TRPM5: variants seen among roughly 807,000 people sequenced by gnomAD.
TRPM5 encodes the protein MLSN1 and TRP-related.
A neutral mutation model predicts 124.9 loss-of-function variants in TRPM5; 121 were observed. That is an observed-to-expected ratio of 0.97 (90% CI 0.84 to 1.13). The LOEUF is 1.13. TRPM5 is among the 50% of genes most tolerant of loss of function. TRPM5 has a pLI of 0.00. For synonymous variants in TRPM5, 781 were observed against 700.5 expected, an observed-to-expected ratio of 1.11 and a Z score of -1.81; for missense variants, 1,643 against 1,589.1, an observed-to-expected ratio of 1.03 and a Z score of -0.58.
At chr11:2,434,023 CTG>C in the TRPM5 span, among the ~76,000 whole-genome samples, 1 of 150,758 alleles carries the variant, frequency 6.6e-6, no homozygotes, top group African/African-American at 2.4e-5. Context: ...TATGTAGACA[CTG>C]TGTGTGGCTG....
chr11:2,430,746 T>A, the TRPM5 span, among the ~76,000 whole-genome samples: 6,926 of 103,338 alleles, frequency 0.067, 256 homozygotes, highest in Middle Eastern at 0.16. Flanking sequence ...GGTGATGGTG[T>A]TGGTGGTGGT....
At chr11:2,442,593 C>A in the TRPM5 span, among the ~76,000 whole-genome samples, 1 of 152,184 alleles carries the variant, frequency 6.6e-6, no homozygotes, top group African/African-American at 2.4e-5. The surrounding 1 kb of genome is among the most constrained non-coding windows in gnomAD (Gnocchi z 5.9). Context: ...ATGTACTTTT[C>A]TATTTTTCCT....
chr11:2,407,624 C>T, intron 19 of TRPM5, 135 bp downstream of exon 24: 2 of 1,203,082 alleles, frequency 1.7e-6, no homozygotes, highest in Non-Finnish European at 1.2e-6. Flanking sequence ...GCTATGCCAC[C>T]TTCTATCTGC....
At chr11:2,419,346 G>T (rs1029932544) in intron 4 of TRPM5, among the ~76,000 whole-genome samples, 10 of 151,972 alleles carry the variant, frequency 6.6e-5, no homozygotes, top group Non-Finnish European at 2.9e-5. Context: ...AGTGGCTCAT[G>T]CCTGTAATCC....
chr11:2,415,406 G>C, exon 9 of TRPM5: 9 of 1,594,122 alleles, frequency 5.6e-6, no homozygotes, highest in Non-Finnish European at 7.6e-6. Context: ...TGTCCACAAA[G>C]AGGCGCACAA....
At chr11:2,414,438 G>A (rs1254927214) in intron 11 of TRPM5, among the ~76,000 whole-genome samples, 4 of 152,216 alleles carry the variant, frequency 2.6e-5, no homozygotes, top group South Asian at 4.1e-4. Context: ...CCTCTGCCAC[G>A]CTAAATGTCC....
At chr11:2,419,508 C>A (rs184868847) in intron 4 of TRPM5, among the ~76,000 whole-genome samples, 1 of 150,834 alleles carries the variant, frequency 6.6e-6, no homozygotes, top group African/African-American at 2.4e-5. Context: ...CCCAGCTACC[C>A]GGGAGGCTGA....
the TRPM5 span, among the ~76,000 whole-genome samples, chr11:2,437,948 C>T: frequency 4.6e-5 from 7 of 152,194 alleles, no homozygotes; most frequent in African/African-American, 7.2e-5. This position sits in a 1 kb window ranked among gnomAD's most constrained non-coding sequence, Gnocchi z 5.6. Context: ...TCAACAAATA[C>T]TAGCAAACCA....
In TRPM5 at chr11:2,407,081, GGCCTCACCCAGGTGCTCCCGCTTGTGCT is replaced by G; in HGVS notation, c.3118+10_3118+37del. On this transcript the variant is annotated intron_variant, in intron 20 of 23. Coordinates refer to ENST00000155858, the Ensembl canonical transcript of TRPM5. ...GCCCCGCCCTGGGACCCGCCACCTC[GGCCTCACCCAGGTGCTCCCGCTTGTGCT>G]CGGCCTCACCCAGGTGCTCCCGCTT... 2.0e-6 allele frequency: 2 copies of G among 1,013,360 alleles called. No individual in the cohort carries two copies. The highest frequency in any genetic ancestry group is 2.6e-6 in the Non-Finnish European group (2 of 761,006). The allele number at this position is 1,013,360 out of a possible 1,614,324, so 62.8% of individuals were successfully genotyped here. A position where few individuals can be genotyped will look rare whatever the true frequency, so the allele number is the denominator to read the frequency against.
chr11:2,420,262 C>T, exon 4 of TRPM5: 1 of 1,610,832 alleles, frequency 6.2e-7, no homozygotes, highest in South Asian at 1.1e-5. Flanking sequence ...GCTTCTCCAG[C>T]CTCAGCCGCA....
In TRPM5 at chr11:2,420,992, A is replaced by G; in HGVS notation, c.465+40T>C. ...CAAACCCTTCTGAGCCCCTGCCTCCAGGCCCCCAGCGGTCGTGGTGCTGGG... is the reference window on the plus strand; with the variant it reads ...CAAACCCTTCTGAGCCCCTGCCTCCGGGCCCCCAGCGGTCGTGGTGCTGGG... On this transcript the variant is annotated intron_variant, in intron 3 of 23. Coordinates refer to ENST00000155858, the Ensembl canonical transcript of TRPM5. 4 of 1,508,190 alleles carry G rather than the reference A, an allele frequency of 2.7e-6. No homozygotes were observed. In the East Asian group the frequency reaches 1.0e-4, roughly 38 times the overall value. 93.4% of individuals were successfully genotyped at this position (1,508,190 alleles called of 1,614,324 possible).
the TRPM5 span, among the ~76,000 whole-genome samples, chr11:2,431,142 G>A: frequency 6.6e-6 from 1 of 152,088 alleles, no homozygotes; most frequent in Non-Finnish European, 1.5e-5. Flanking sequence ...CATCCTGAGA[G>A]GAGAAGCAGA....
the TRPM5 span, among the ~76,000 whole-genome samples, chr11:2,441,740 A>C: frequency 1.3e-5 from 2 of 151,892 alleles, no homozygotes; most frequent in Non-Finnish European, 2.9e-5. The surrounding 1 kb of genome is among the most constrained non-coding windows in gnomAD (Gnocchi z 7.2). Flanking sequence ...CCCAGGCTGG[A>C]GTGCAGTGGT....
intron 15 of TRPM5, 104 bp downstream of exon 20, chr11:2,412,650 G>A (rs1319771579): frequency 7.8e-7 from 1 of 1,278,286 alleles, no homozygotes; most frequent in Non-Finnish European, 1.1e-6. Flanking sequence ...TGCTGTTCTT[G>A]TTTTACAGTT....
intron 18 of TRPM5, among the ~76,000 whole-genome samples, chr11:2,408,734 G>T (rs76384680): frequency 3.9e-5 from 6 of 152,216 alleles, no homozygotes; most frequent in Admixed American, 3.3e-4. Context: ...GGAAGGAGCC[G>T]CAGTGGGCGT....
At chr11:2,422,406 G>C in intron 1 of TRPM5, 85 bp from the exon 7 acceptor site, 2 of 939,542 alleles carry the variant, frequency 2.1e-6, no homozygotes, top group Non-Finnish European at 3.0e-6. Context: ...ACACAAGGGG[G>C]CACTGGGGAG....
intron 12 of TRPM5, 56 bp from the exon 18 acceptor site, chr11:2,413,644 C>T: frequency 6.6e-7 from 1 of 1,521,578 alleles, no homozygotes; most frequent in Non-Finnish European, 9.0e-7. Flanking sequence ...CAGGCTGCGC[C>T]CTGCCCCAGG....
intron 12 of TRPM5, 38 bp downstream of exon 17, chr11:2,414,023 C>CCCCCCCCCCG: frequency 1.3e-6 from 2 of 1,537,796 alleles, no homozygotes; most frequent in Admixed American, 2.0e-5. Context: ...GCCCACCCCA[C>CCCCCCCCCCG]CCCCTGGCAG....
chr11:2,412,306 GA>G, intron 15 of TRPM5, 53 bp from the exon 21 acceptor site: 1 of 1,393,516 alleles, frequency 7.2e-7, no homozygotes, highest in Non-Finnish European at 1.0e-6. Context: ...CCTCGCTGGG[GA>G]CAGCCCTACC....
Sources: gnomAD v4.1 joint callset for allele counts (sites outside exome capture counted in the v4.1 genomes callset) on GRCh38, gnomAD v4.1.1 for gene constraint, Gnocchi (gnomAD v3.1) non-coding constraint, MANE v1.5 for transcripts, NCBI Gene and HGNC (gene_info 2026-07-23, HGNC 2026-07-21) for gene names.